The following CTNNA3 variants were observed in gnomAD, a reference collection of about 807,000 sequenced individuals.
The protein encoded by CTNNA3 is catenin alpha-3.
A neutral mutation model predicts 95.7 loss-of-function variants in CTNNA3; 76 were observed. The observed-to-expected ratio is 0.79, with a 90% CI of 0.66 to 0.96. The LOEUF (loss-of-function observed/expected upper bound fraction) is 0.96, where lower values mean the gene tolerates loss of function less well. CTNNA3 is among the 40% of genes least tolerant of loss of function. CTNNA3 has a pLI of 0.00. For synonymous variants in CTNNA3, 431 were observed against 374.4 expected (o/e 1.15, Z -1.74); for missense variants, 1,191 against 1,089.8 (o/e 1.09, Z -1.31).
chr10:67,310,496 A>G (rs1334826579), intron 5 of CTNNA3, among the ~76,000 whole-genome samples: 1 of 152,180 alleles, frequency 6.6e-6, no homozygotes, highest in Non-Finnish European at 1.5e-5. Context: ...TGTGCTCACA[A>G]TTTTTAAAGT....
intron 9 of CTNNA3, among the ~76,000 whole-genome samples, chr10:66,727,911 T>G (rs550173521): frequency 6.6e-6 from 1 of 152,274 alleles, no homozygotes; most frequent in African/African-American, 2.4e-5. Context: ...ATAAAGGAGA[T>G]GTTTGTGGAT....
At chr10:67,589,540 T>C (rs1842732852) in intron 3 of CTNNA3, among the ~76,000 whole-genome samples, 3 of 152,140 alleles carry the variant, frequency 2.0e-5, no homozygotes. Flanking sequence ...TCACTTCCTT[T>C]CCATAATCTT....
intron 13 of CTNNA3, among the ~76,000 whole-genome samples, chr10:66,193,146 A>G (rs1462865124): frequency 6.6e-6 from 1 of 152,218 alleles, no homozygotes; most frequent in Non-Finnish European, 1.5e-5. Context: ...AGAATAAACT[A>G]TGATATTTAT....
At chr10:65,923,967 G>A (rs970157090) in intron 17 of CTNNA3, among the ~76,000 whole-genome samples, 5 of 151,828 alleles carry the variant, frequency 3.3e-5, no homozygotes, top group Non-Finnish European at 5.9e-5. Flanking sequence ...TTTATATCCC[G>A]TAAAAAGAAA....
chr10:66,740,970 T>C (rs1251902258), intron 9 of CTNNA3, among the ~76,000 whole-genome samples: 7 of 152,178 alleles, frequency 4.6e-5, no homozygotes, highest in Admixed American at 1.3e-4. Flanking sequence ...ACTTGTGGAT[T>C]TGTTGGAAAT....
chr10:66,347,003 C>G (rs973743345), intron 12 of CTNNA3, among the ~76,000 whole-genome samples: 5 of 151,716 alleles, frequency 3.3e-5, no homozygotes, highest in Non-Finnish European at 1.5e-5. Flanking sequence ...TCACAAAAAG[C>G]AGCAAACAAC....
chr10:66,774,052 A>G (rs960382055), intron 8 of CTNNA3, among the ~76,000 whole-genome samples: 1 of 152,256 alleles, frequency 6.6e-6, no homozygotes, highest in African/African-American at 2.4e-5. Flanking sequence ...AATTCCACAC[A>G]CAAGTAATTG....
At chr10:67,688,847 G>A (rs901370990) in intron 1 of CTNNA3, among the ~76,000 whole-genome samples, 1 of 152,140 alleles carries the variant, frequency 6.6e-6, no homozygotes, top group Admixed American at 6.5e-5. Flanking sequence ...TCTTGCCCAA[G>A]AACCCGCAAC....
At chr10:67,125,631 T>C (rs1859685385) in intron 7 of CTNNA3, among the ~76,000 whole-genome samples, 1 of 152,158 alleles carries the variant, frequency 6.6e-6, no homozygotes, top group African/African-American at 2.4e-5. Flanking sequence ...CTGAAGAGAA[T>C]AGAATCTACA....
intron 5 of CTNNA3, among the ~76,000 whole-genome samples, chr10:67,437,760 T>C (rs762432998): frequency 1.3e-5 from 2 of 151,786 alleles, no homozygotes; most frequent in Non-Finnish European, 2.9e-5. Flanking sequence ...GAAATGAAAA[T>C]AGGAAAAAAG....
chr10:67,491,000 A>T (rs1360446479), intron 5 of CTNNA3, among the ~76,000 whole-genome samples: 1 of 152,214 alleles, frequency 6.6e-6, no homozygotes, highest in Non-Finnish European at 1.5e-5. Flanking sequence ...AAACCATCAC[A>T]GAATTGCTGA....
intron 9 of CTNNA3, among the ~76,000 whole-genome samples, chr10:66,648,380 AAAG>A (rs1347666489): frequency 2.0e-5 from 3 of 152,172 alleles, no homozygotes; most frequent in Admixed American, 1.3e-4. Context: ...CAAACATCAA[AAAG>A]AAAAAAATTA....
intron 11 of CTNNA3, among the ~76,000 whole-genome samples, chr10:66,462,134 G>C (rs1472608370): frequency 1.3e-5 from 2 of 151,794 alleles, no homozygotes; most frequent in Non-Finnish European, 2.9e-5. Context: ...ATTAATTCTA[G>C]AAAAAGATAA....
At chr10:66,734,399 T>C (rs1033280684) in intron 9 of CTNNA3, among the ~76,000 whole-genome samples, 1 of 152,154 alleles carries the variant, frequency 6.6e-6, no homozygotes, top group African/African-American at 2.4e-5. Flanking sequence ...TATTAGTTGT[T>C]AATATAATAT....
chr10:66,227,880 T>C (rs926644981), intron 13 of CTNNA3, among the ~76,000 whole-genome samples: 3 of 152,302 alleles, frequency 2.0e-5, no homozygotes, highest in African/African-American at 4.8e-5. Flanking sequence ...GATTTTCAAA[T>C]TCTTCCTGGT....
chr10:66,362,096 ATTTTTTTTTTTTTTTT>A (rs569047811), intron 12 of CTNNA3, among the ~76,000 whole-genome samples: 16 of 81,774 alleles, frequency 2.0e-4, no homozygotes, highest in African/African-American at 7.2e-4. Flanking sequence ...TTCATACACA[ATTTTTTTTTTTTTTTT>A]TTTTTTTTTG....
chr10:66,525,669 A>G (rs879783275), intron 10 of CTNNA3, among the ~76,000 whole-genome samples: 8 of 152,138 alleles, frequency 5.3e-5, no homozygotes, highest in Non-Finnish European at 7.4e-5. Context: ...GAAAGAATAT[A>G]TATATAAAAT....
chr10:66,816,984 A>C (rs1311756462), intron 7 of CTNNA3, among the ~76,000 whole-genome samples: 2 of 152,066 alleles, frequency 1.3e-5, no homozygotes, highest in Admixed American at 6.5e-5. Flanking sequence ...ATTAAAGCAA[A>C]AATACAACAT....
chr10:67,580,260 A>G (rs1842336859), intron 3 of CTNNA3, among the ~76,000 whole-genome samples: 1 of 152,222 alleles, frequency 6.6e-6, no homozygotes, highest in Admixed American at 6.5e-5. Flanking sequence ...ATTCAGTTTT[A>G]ACTTTCTACA....
Sources: allele counts gnomAD v4.1 joint callset (sites outside exome capture counted in the v4.1 genomes callset), GRCh38; gene constraint gnomAD v4.1.1; transcripts MANE v1.5; gene names NCBI Gene and HGNC (gene_info 2026-07-23, HGNC 2026-07-21).